Variants in FCRL4 observed in about 807,000 individuals in gnomAD.
FCRL4 encodes Fc receptor-like protein 4.
A neutral mutation model predicts 64.1 loss-of-function variants in FCRL4; 43 were observed. The observed-to-expected ratio is 0.67, with a 90% CI of 0.53 to 0.87. The LOEUF is 0.87. FCRL4 is among the 40% of genes least tolerant of loss of function. The pLI is 0.00. For synonymous variants in FCRL4, 253 were observed against 239.8 expected (o/e 1.05, Z -0.51); for missense variants, 656 against 613.5 (o/e 1.07, Z -0.73).
In FCRL4 at chr1:157,598,048, A is replaced by G; in HGVS notation, c.-104T>C. 1 of 781,606 alleles carries G rather than the reference A, an allele frequency of 1.3e-6. No individual in the cohort carries two copies. The highest frequency in any genetic ancestry group is 2.6e-5 in the East Asian group (1 of 39,052). 48.4% of individuals were successfully genotyped at this position (781,606 alleles called of 1,614,324 possible). A position where few individuals can be genotyped will look rare whatever the true frequency, so the allele number is the denominator to read the frequency against. ...CTACACCAGCACCAGCAGTGAGCTC[A>G]GTAAGCTTCTTCTCTGCATAAAGCT... On this transcript the variant is annotated 5_prime_UTR_variant, in exon 1 of 12. Coordinates refer to ENST00000271532, the MANE Select transcript of FCRL4 (RefSeq NM_031282.3).
rs144887598 is a variant in FCRL4, at chr1:157,592,037, G to T, written c.53-2579C>A. Reference sequence around the variant, plus strand: ...TAAATGGTGCTGGGAAAACTGGCTAGCCATATGTAGAAAGCTGAAACTGGA... The same window carrying T: ...TAAATGGTGCTGGGAAAACTGGCTATCCATATGTAGAAAGCTGAAACTGGA... On this transcript the variant is annotated intron_variant, in intron 2 of 11. Coordinates refer to ENST00000271532, the MANE Select transcript of FCRL4 (RefSeq NM_031282.3). Among the ~76,000 whole-genome samples the T allele has an allele frequency of 3.0e-3, 455 of 152,274 alleles. 2 individuals are homozygous for T. Among genetic ancestry groups the T allele is most frequent in the Non-Finnish European group, 4.1e-3 (278 of 68,016 alleles).
In FCRL4 at chr1:157,587,958, C is replaced by A. The variant is rs1306836731; in HGVS notation, c.469G>T (p.Ala157Ser). The A allele has an allele frequency of 6.2e-7, 1 of 1,613,118 alleles. No individual in the cohort carries two copies. Among genetic ancestry groups the A allele is most frequent in the Non-Finnish European group, 8.5e-7 (1 of 1,179,480 alleles). The change falls in exon 4 of 12, where the codon GCA (alanine) becomes TCA (serine). Residue 157 changes from alanine (A) to serine (S), a missense_variant. By Grantham distance (99) the Ala-to-Ser change is moderately conservative. Coordinates refer to ENST00000271532, the MANE Select transcript of FCRL4 (RefSeq NM_031282.3). ...TAATTGCCATTGTTATTTGAACTTGCTTGTGGGATAAGAAGATCCCAGCTT... is the reference window on the plus strand; with the variant it reads ...TAATTGCCATTGTTATTTGAACTTGATTGTGGGATAAGAAGATCCCAGCTT... Reference protein sequence around the residue: ...NKSWDLLIPQASSNNNGNYRC... With the variant: ...NKSWDLLIPQSSSNNNGNYRC...
chr1:157,593,054 G>A (rs1433483472), intron 2 of FCRL4, among the ~76,000 whole-genome samples: 1 of 152,172 alleles, frequency 6.6e-6, no homozygotes. Flanking sequence ...CATGGACACA[G>A]GGCAGGGAGC....
intron 6 of FCRL4, among the ~76,000 whole-genome samples, chr1:157,582,310 T>G (rs955623452): frequency 5.3e-5 from 8 of 152,224 alleles, no homozygotes; most frequent in African/African-American, 1.9e-4. Context: ...GAGGCTGCCC[T>G]GTGCTGGGCA....
chr1:157,575,627 A>G lies in FCRL4; in HGVS notation c.1462-17T>C, dbSNP rs376151318. On this transcript the variant is annotated splice_polypyrimidine_tract_variant and intron_variant, in intron 11 of 11. Coordinates refer to ENST00000271532, the MANE Select transcript of FCRL4 (RefSeq NM_031282.3). ...TGAGACATCCTGAAATGGAAGAAAG[A>G]AGTGGAAACCGAGAGGGAGTGTGAG... 1.2e-6 allele frequency: 2 copies of G among 1,612,844 alleles called. No homozygotes were observed. The highest frequency in any genetic ancestry group is 2.2e-5 in the East Asian group (1 of 44,890).
rs1281966028 is a variant in FCRL4 at position 157,573,760 on chromosome 1, G to A, written c.*1764C>T. On this transcript the variant is annotated 3_prime_UTR_variant, in exon 12 of 12. Coordinates refer to ENST00000271532, the MANE Select transcript of FCRL4 (RefSeq NM_031282.3). The stretch of plus-strand genomic sequence containing the variant: ...ATGTACGCCGAATTTACGTTAATAA[G>A]CTTTAATCTAATACTTCAGTATAAG... The A allele has an allele frequency of 5.5e-6, 1 of 180,630 alleles. No individual in the cohort carries two copies. Among genetic ancestry groups the A allele is most frequent in the Non-Finnish European group, 1.2e-5 (1 of 84,498 alleles). 11.2% of individuals were successfully genotyped at this position (180,630 alleles called of 1,614,324 possible). A position where few individuals can be genotyped will look rare whatever the true frequency, so the allele number is the denominator to read the frequency against.
chr1:157,586,556 T>A, intron 5 of FCRL4, 101 bp from the exon 6 acceptor site: 1 of 1,026,280 alleles, frequency 9.7e-7, no homozygotes, highest in Admixed American at 2.4e-5. Context: ...GACTTCAAGA[T>A]ATACTCTTCA....
intron 6 of FCRL4, among the ~76,000 whole-genome samples, chr1:157,585,113 T>G (rs1652643289): frequency 6.6e-6 from 1 of 152,072 alleles, no homozygotes; most frequent in Admixed American, 6.5e-5. Context: ...TGGTGATGGG[T>G]TTAAGAAAAA....
At chr1:157,586,510 G>A in intron 5 of FCRL4, 55 bp from the exon 6 acceptor site, 3 of 1,513,982 alleles carry the variant, frequency 2.0e-6, no homozygotes, top group Non-Finnish European at 2.7e-6. Flanking sequence ...GGCAGGGCTA[G>A]GTAGCTGGGG....
rs1486693635 is a variant in FCRL4, at chr1:157,575,235, T to G, written c.*289A>C. 12 of 435,724 alleles carry G rather than the reference T, an allele frequency of 2.8e-5. No homozygotes were observed. Among genetic ancestry groups the G allele is most frequent in the African/African-American group, 5.9e-5 (3 of 51,238 alleles). The allele number at this position is 435,724 out of a possible 1,614,324, so 27.0% of individuals were successfully genotyped here. A position where few individuals can be genotyped will look rare whatever the true frequency, so the allele number is the denominator to read the frequency against. The stretch of plus-strand genomic sequence containing the variant: ...TCCTTCTCTCTCTTTATCCCCCTTC[T>G]CTAAAGCAGACCCTAGGGAATACAT... On this transcript the variant is annotated 3_prime_UTR_variant, in exon 12 of 12. Coordinates refer to ENST00000271532, the MANE Select transcript of FCRL4 (RefSeq NM_031282.3).
intron 1 of FCRL4, 93 bp from the exon 2 acceptor site, chr1:157,596,441 C>A (rs1271747356): frequency 1.4e-6 from 2 of 1,393,132 alleles, no homozygotes; most frequent in East Asian, 2.3e-5. Context: ...TACTTCCAAC[C>A]AAGAGGAAGA....
chr1:157,592,990 AAAACC>A (rs1652872031), intron 2 of FCRL4, among the ~76,000 whole-genome samples: 1 of 152,250 alleles, frequency 6.6e-6, no homozygotes, highest in African/African-American at 2.4e-5. Context: ...ACAAGGACAG[AAAACC>A]AAACACCGCA....
chr1:157,580,386 G>C (rs760809867), intron 7 of FCRL4, 38 bp from the exon 8 acceptor site: 2 of 1,613,474 alleles, frequency 1.2e-6, no homozygotes, highest in South Asian at 2.2e-5. Flanking sequence ...TGTCAGCAGA[G>C]GGAGCTCTTT....
intron 2 of FCRL4, among the ~76,000 whole-genome samples, chr1:157,595,502 C>T (rs769211564): frequency 2.6e-5 from 4 of 152,204 alleles, no homozygotes; most frequent in South Asian, 2.1e-4. Flanking sequence ...TCATGGCCTT[C>T]GTGTGTTTGA....
At chr1:157,588,596 G>C (rs1236355693) in intron 3 of FCRL4, among the ~76,000 whole-genome samples, 1 of 152,204 alleles carries the variant, frequency 6.6e-6, no homozygotes. Flanking sequence ...GGAATTCCAT[G>C]CTGTTCATAT....
intron 10 of FCRL4, among the ~76,000 whole-genome samples, chr1:157,575,941 A>T (rs543346604): frequency 6.6e-6 from 1 of 152,214 alleles, no homozygotes; most frequent in Admixed American, 6.5e-5. Flanking sequence ...AGCTCCATTG[A>T]TCCGTAAAGT....
chr1:157,598,021 G>A lies in FCRL4; in HGVS notation c.-77C>T. ...AGCCCAGATTGCCAAAGCAGCACTT[G>A]CCTACACCAGCACCAGCAGTGAGCT... On this transcript the variant is annotated 5_prime_UTR_variant, in exon 1 of 12. Coordinates refer to ENST00000271532, the MANE Select transcript of FCRL4 (RefSeq NM_031282.3). 9.7e-7 allele frequency: 1 copy of A among 1,027,852 alleles called. No individual in the cohort carries two copies. The highest frequency in any genetic ancestry group is 1.5e-6 in the Non-Finnish European group (1 of 654,190). 63.7% of individuals were successfully genotyped at this position (1,027,852 alleles called of 1,614,324 possible).
intron 8 of FCRL4, among the ~76,000 whole-genome samples, chr1:157,579,513 T>C (rs1652500632): frequency 6.6e-6 from 1 of 152,152 alleles, no homozygotes; most frequent in Admixed American, 6.5e-5. Flanking sequence ...AGCCAGGAGT[T>C]TGAGACCAGC....
chr1:157,587,249 G>C (rs373951460), intron 5 of FCRL4, 27 bp downstream of exon 5: 1 of 1,606,590 alleles, frequency 6.2e-7, no homozygotes, highest in African/African-American at 1.3e-5. Context: ...GAGAGGCAGG[G>C]AAGATGCCTG....
Sources: gnomAD v4.1 joint callset for allele counts (sites outside exome capture counted in the v4.1 genomes callset) on GRCh38, gnomAD v4.1.1 for gene constraint, MANE v1.5 for transcripts, NCBI Gene and HGNC (gene_info 2026-07-23, HGNC 2026-07-21) for gene names.